DPP10: variants seen among roughly 807,000 people sequenced by gnomAD.
The protein encoded by DPP10 is inactive dipeptidyl peptidase 10.
DPP10 carries 33 observed loss-of-function variants against 120.9 expected under a neutral mutation model. That is an observed-to-expected ratio of 0.27 (90% CI 0.21 to 0.37). DPP10 has a LOEUF of 0.37. DPP10 is among the 10% of genes least tolerant of loss of function. The probability of loss-of-function intolerance (pLI) is 1.00; values close to 1 mark genes in which losing one functional copy is unlikely to be tolerated. For missense variants in DPP10, 816 were observed against 942.8 expected, an observed-to-expected ratio of 0.87 and a Z score of 1.76; for synonymous variants, 337 against 326.1, an observed-to-expected ratio of 1.03 and a Z score of -0.36.
At chr2:115,187,782 G>A (rs1423507457) in intron 1 of DPP10, among the ~76,000 whole-genome samples, 1 of 152,024 alleles carries the variant, frequency 6.6e-6, no homozygotes, top group Non-Finnish European at 1.5e-5. Context: ...CGGTCAGATC[G>A]CTTGAGCCAG....
intron 1 of DPP10, among the ~76,000 whole-genome samples, chr2:115,257,516 A>G (rs1197081596): frequency 6.6e-6 from 1 of 152,120 alleles, no homozygotes; most frequent in East Asian, 1.9e-4. Flanking sequence ...CACACATTTT[A>G]AACAACTAGA....
intron 5 of DPP10, among the ~76,000 whole-genome samples, chr2:115,652,129 G>C (rs977444051): frequency 6.6e-6 from 1 of 151,930 alleles, no homozygotes; most frequent in Admixed American, 6.6e-5. Flanking sequence ...AAAATAGCTG[G>C]AATAGTTGGA....
chr2:114,799,506 T>A (rs1684007820), intron 1 of DPP10, among the ~76,000 whole-genome samples: 3 of 152,182 alleles, frequency 2.0e-5, no homozygotes, highest in Admixed American at 2.0e-4. Context: ...TGAATCCATG[T>A]ATGTTTTCTT....
chr2:115,450,414 C>T (rs987740168), intron 3 of DPP10, among the ~76,000 whole-genome samples: 4 of 151,984 alleles, frequency 2.6e-5, no homozygotes, highest in Admixed American at 6.6e-5. Flanking sequence ...ATGACACTTA[C>T]CTGCAGAGAA....
chr2:114,956,888 T>C (rs1362586356), intron 1 of DPP10, among the ~76,000 whole-genome samples: 1 of 149,240 alleles, frequency 6.7e-6, no homozygotes, highest in Admixed American at 6.8e-5. Context: ...AAGCTGGAGA[T>C]GAAAATGAAG....
At chr2:115,672,505 A>C (rs1316054146) in intron 5 of DPP10, among the ~76,000 whole-genome samples, 2 of 152,166 alleles carry the variant, frequency 1.3e-5, no homozygotes, top group Non-Finnish European at 2.9e-5. Flanking sequence ...ATTTTCCTAC[A>C]GATAGCCTAA....
chr2:115,735,174 A>G (rs548440863), intron 8 of DPP10, among the ~76,000 whole-genome samples: 28 of 152,344 alleles, frequency 1.8e-4, no homozygotes, highest in Admixed American at 1.1e-3. Context: ...GTCAAAGAAC[A>G]TAAGAATATT....
intron 5 of DPP10, among the ~76,000 whole-genome samples, chr2:115,543,837 A>G (rs1273691229): frequency 6.6e-6 from 1 of 152,100 alleles, no homozygotes; most frequent in Non-Finnish European, 1.5e-5. Flanking sequence ...TGCTTATAAC[A>G]AAGAACTATG....
At chr2:115,334,575 A>G (rs903020785) in intron 2 of DPP10, among the ~76,000 whole-genome samples, 2 of 151,886 alleles carry the variant, frequency 1.3e-5, no homozygotes, top group East Asian at 1.9e-4. Flanking sequence ...TGAATTTTAC[A>G]TTTTACTATA....
In DPP10 at chr2:115,011,425, C is replaced by G. The variant is rs142536826; in HGVS notation, c.61-297814C>G. Among the ~76,000 whole-genome samples the G allele has an allele frequency of 2.8e-4, 42 of 152,230 alleles. 1 individual carries two copies. The East Asian group carries it at 6.9e-3, about 25-fold the overall frequency. ...TGTCTGTTTCTCATTGCAATTCTAT[C>G]ATTTTTGACCCATGTATTTTTCTTA... On this transcript the variant is annotated intron_variant, in intron 1 of 25. Transcript: ENST00000410059.
At chr2:115,773,811 A>G (rs1007121088) in intron 13 of DPP10, among the ~76,000 whole-genome samples, 1 of 152,082 alleles carries the variant, frequency 6.6e-6, no homozygotes, top group Non-Finnish European at 1.5e-5. Context: ...GTCATCTACC[A>G]TATTCTGATT....
In DPP10 at chr2:115,814,866, G is replaced by T. The variant is rs751272336; in HGVS notation, c.1774G>T (p.Asp592Tyr). 1 of 1,610,762 alleles carries T rather than the reference G, an allele frequency of 6.2e-7. No homozygotes were observed. Among genetic ancestry groups the T allele is most frequent in the Non-Finnish European group, 8.5e-7 (1 of 1,177,712 alleles). Residue 592 changes from aspartate to tyrosine, a missense_variant, in exon 20 of 26, where the codon GAT becomes TAT. Physicochemically the swap from Asp to Tyr is radical, Grantham distance 160. This residue lies in a region of DPP10 where 592 missense variants were observed against 649.0 expected (regional missense o/e 0.91). Coordinates refer to ENST00000410059, the MANE Select transcript of DPP10 (RefSeq NM_020868.6). ...CTGGGATTCCGTACTCATTGACATGGATAATGTCATTGTAGCAAGATTTGA... is the reference window on the plus strand; with the variant it reads ...CTGGGATTCCGTACTCATTGACATGTATAATGTCATTGTAGCAAGATTTGA... ...IDWDSVLIDMDNVIVARFDGR... is the reference protein window; with the variant it reads ...IDWDSVLIDMYNVIVARFDGR...
chr2:114,570,184 A>C (rs1422693998), intron 1 of DPP10, among the ~76,000 whole-genome samples: 1 of 152,184 alleles, frequency 6.6e-6, no homozygotes, highest in East Asian at 1.9e-4. Flanking sequence ...TATAAAAACT[A>C]TTCAAAATAT....
intron 7 of DPP10, among the ~76,000 whole-genome samples, chr2:115,713,448 C>T (rs1348756624): frequency 1.3e-5 from 2 of 152,086 alleles, no homozygotes; most frequent in Non-Finnish European, 2.9e-5. Context: ...TTTTTAGTGG[C>T]AACAGGCTTA....
intron 5 of DPP10, among the ~76,000 whole-genome samples, chr2:115,639,011 A>G (rs938389577): frequency 1.3e-5 from 2 of 152,158 alleles, no homozygotes; most frequent in Non-Finnish European, 1.5e-5. Context: ...CAAGGTCTGT[A>G]GGAAGATGTT....
chr2:114,761,975 T>C (rs72830391), intron 1 of DPP10, among the ~76,000 whole-genome samples: 7,564 of 152,000 alleles, frequency 0.05, 442 homozygotes, highest in African/African-American at 0.14. Flanking sequence ...GCCAAGCCAG[T>C]GTGGGGTCTC....
intron 3 of DPP10, among the ~76,000 whole-genome samples, chr2:115,429,780 G>T (rs1335746733): frequency 6.6e-6 from 1 of 152,146 alleles, no homozygotes; most frequent in African/African-American, 2.4e-5. Flanking sequence ...ACAAGGTAAG[G>T]TAGATATGGG....
chr2:115,231,003 A>C (rs144066145), intron 1 of DPP10, among the ~76,000 whole-genome samples: 2 of 151,978 alleles, frequency 1.3e-5, no homozygotes, highest in Non-Finnish European at 2.9e-5. Flanking sequence ...AAGAAAACAC[A>C]CTTCAGTGTT....
intron 19 of DPP10, among the ~76,000 whole-genome samples, chr2:115,794,133 C>T (rs1684288611): frequency 6.6e-6 from 1 of 152,038 alleles, no homozygotes; most frequent in Admixed American, 6.6e-5. Flanking sequence ...AATAGAGCGA[C>T]TATTATTTAA....
Sources: gnomAD v4.1 joint callset for allele counts (sites outside exome capture counted in the v4.1 genomes callset) on GRCh38, gnomAD v4.1.1 for gene constraint, gnomAD v4.1.1 regional missense constraint, MANE v1.5 for transcripts, NCBI Gene and HGNC (gene_info 2026-07-23, HGNC 2026-07-21) for gene names.